DPP6: variants seen among roughly 807,000 people sequenced by gnomAD.
DPP6 encodes the protein dipeptidyl peptidase like 6, also known as A-type potassium channel modulatory protein DPP6.
Under a neutral mutation model 122.6 loss-of-function variants are expected in DPP6, and 69 were observed. That is an observed-to-expected ratio of 0.56 (90% CI 0.46 to 0.69). The LOEUF is 0.69. Ranked by LOEUF, DPP6 falls within the 30% of genes least tolerant of loss-of-function variation. The pLI, the probability that DPP6 is intolerant of heterozygous loss-of-function variation, is 0.00. For synonymous variants in DPP6, 418 were observed against 433.1 expected (o/e 0.97, Z 0.43); for missense variants, 928 against 1,116.9 (o/e 0.83, Z 2.41).
intron 8 of DPP6, among the ~76,000 whole-genome samples, chr7:154,759,684 A>G (rs949714057): frequency 6.6e-6 from 1 of 152,336 alleles, no homozygotes; most frequent in African/African-American, 2.4e-5. Context: ...AGGCCAGAAG[A>G]CATCCATTCT....
At chr7:154,630,003 G>T (rs1264256194) in intron 5 of DPP6, among the ~76,000 whole-genome samples, 1 of 149,984 alleles carries the variant, frequency 6.7e-6, no homozygotes. Context: ...ATTTAGAAAA[G>T]AGTGTTTTTT....
chr7:154,256,882 G>T (rs1159421177), intron 1 of DPP6, among the ~76,000 whole-genome samples: 1 of 152,152 alleles, frequency 6.6e-6, no homozygotes, highest in East Asian at 1.9e-4. Context: ...TGCCACCATA[G>T]TTCCTTCTCA....
Position 154,518,780 on chromosome 7 carries a change from G to A in DPP6, c.458-21752G>A, listed in dbSNP as rs114288743. On this transcript the variant is annotated intron_variant, in intron 3 of 25. Transcript: ENST00000377770. ...GCTTCATACTTAGCAGGACCTAATA[G>A]GTGAACCCAGATATGGTTCTAATGT... Among the ~76,000 whole-genome samples, 1,010 of 152,276 alleles carry A rather than the reference G, an allele frequency of 6.6e-3. 6 individuals carry two copies. Among genetic ancestry groups the A allele is most frequent in the African/African-American group, 0.023 (954 of 41,548 alleles).
At chr7:154,375,792 G>A (rs1202377388) in intron 1 of DPP6, among the ~76,000 whole-genome samples, 1 of 152,180 alleles carries the variant, frequency 6.6e-6, no homozygotes. Context: ...ACCAACGCAA[G>A]CCTTTTATTC....
chr7:153,878,222 C>T, the DPP6 span, among the ~76,000 whole-genome samples: 1 of 152,164 alleles, frequency 6.6e-6, no homozygotes, highest in Non-Finnish European at 1.5e-5. Context: ...AGGCTGAATA[C>T]ACACATTCTA....
chr7:154,174,595 C>A (rs1242132222), intron 1 of DPP6, among the ~76,000 whole-genome samples: 1 of 152,234 alleles, frequency 6.6e-6, no homozygotes, highest in African/African-American at 2.4e-5. Context: ...ACAGACCTGC[C>A]TGGAAAGGTT....
intron 1 of DPP6, among the ~76,000 whole-genome samples, chr7:154,373,755 C>T (rs182258338): frequency 2.6e-5 from 4 of 152,246 alleles, no homozygotes; most frequent in Admixed American, 6.5e-5. Flanking sequence ...TTATCCCGAA[C>T]GGAAACTGCG....
the DPP6 span, among the ~76,000 whole-genome samples, chr7:153,795,673 T>C: frequency 6.6e-5 from 10 of 152,150 alleles, no homozygotes; most frequent in Middle Eastern, 9.5e-3. Flanking sequence ...TTTTCTAAGT[T>C]TCTTAAGATG....
chr7:154,776,817 A>G (rs1433667562), intron 10 of DPP6, among the ~76,000 whole-genome samples: 5 of 152,162 alleles, frequency 3.3e-5, no homozygotes, highest in African/African-American at 9.7e-5. Context: ...TGAAACTAAG[A>G]CACCTCGTCT....
intron 1 of DPP6, among the ~76,000 whole-genome samples, chr7:153,931,866 C>T (rs996487562): frequency 4.6e-5 from 7 of 152,208 alleles, no homozygotes; most frequent in Non-Finnish European, 8.8e-5. Context: ...CCTTAATTTG[C>T]ATCGCCTGAT....
intron 1 of DPP6, among the ~76,000 whole-genome samples, chr7:154,371,558 T>G (rs370219078): frequency 6.6e-6 from 1 of 152,238 alleles, no homozygotes; most frequent in East Asian, 1.9e-4. Flanking sequence ...TGATATTTCG[T>G]GACTCTCACT....
At chr7:154,441,325 G>A (rs1161706183) in intron 1 of DPP6, among the ~76,000 whole-genome samples, 1 of 152,114 alleles carries the variant, frequency 6.6e-6, no homozygotes, top group Non-Finnish European at 1.5e-5. Context: ...CATATCATAT[G>A]TTGCTAAAAC....
At chr7:154,844,771 A>G (rs1313461989) in intron 16 of DPP6, among the ~76,000 whole-genome samples, 2 of 152,236 alleles carry the variant, frequency 1.3e-5, no homozygotes, top group African/African-American at 4.8e-5. Context: ...AACAGATACA[A>G]AATTATACAG....
chr7:154,130,834 A>T (rs1354936515), intron 1 of DPP6, among the ~76,000 whole-genome samples: 4 of 152,164 alleles, frequency 2.6e-5, no homozygotes, highest in Non-Finnish European at 4.4e-5. Context: ...AAAAAAATAA[A>T]GCAAGAGTAG....
the DPP6 span, among the ~76,000 whole-genome samples, chr7:153,872,052 T>C: frequency 6.6e-6 from 1 of 152,354 alleles, no homozygotes; most frequent in South Asian, 2.1e-4. Context: ...TCAAAACTCA[T>C]GCTGTTTTAT....
chr7:153,861,395 A>T, the DPP6 span, among the ~76,000 whole-genome samples: 1 of 152,244 alleles, frequency 6.6e-6, no homozygotes, highest in Non-Finnish European at 1.5e-5. Flanking sequence ...GCAATTCTTT[A>T]TTCAGACATA....
chr7:154,093,837 A>G (rs1019066554), intron 1 of DPP6: 10 of 151,716 alleles, frequency 6.6e-5, no homozygotes, highest in Non-Finnish European at 1.5e-5. Context: ...GCTGTGTGGC[A>G]CGTGTGGTGT....
chr7:154,736,423 C>A lies in DPP6; in HGVS notation c.883+8536C>A, dbSNP rs541698263. On this transcript the variant is annotated intron_variant, in intron 8 of 25. Coordinates refer to ENST00000377770, the MANE Select transcript of DPP6 (RefSeq NM_130797.4). ...TCCAATAAACTTTATTTGTGGACAG[C>A]GAAATTTGAATTTCTTGTAATTCTC... is the stretch of plus-strand genomic sequence containing the variant. Among the ~76,000 whole-genome samples the A allele has an allele frequency of 3.3e-5, 5 of 152,274 alleles. No homozygotes were observed. In the South Asian group the frequency reaches 1.0e-3, roughly 32 times the overall value.
chr7:154,494,999 C>T (rs1357857379), intron 3 of DPP6, among the ~76,000 whole-genome samples: 3 of 152,148 alleles, frequency 2.0e-5, no homozygotes, highest in Non-Finnish European at 4.4e-5. Flanking sequence ...GAGAGAGTCT[C>T]GTGGAGGTGA....
Sources: gnomAD v4.1 joint callset for allele counts (sites outside exome capture counted in the v4.1 genomes callset) on GRCh38, gnomAD v4.1.1 for gene constraint, MANE v1.5 for transcripts, NCBI Gene and HGNC (gene_info 2026-07-23, HGNC 2026-07-21) for gene names.